The following TAS2R1 variants were observed in gnomAD, a reference collection of about 807,000 sequenced individuals.
The protein encoded by TAS2R1 is taste receptor type 2 member 1.
For missense variants in TAS2R1, 370 were observed against 353.4 expected (o/e 1.05, Z -0.38); for synonymous variants, 141 against 134.2 (o/e 1.05, Z -0.35).
chr5:9,855,734 C>T, the TAS2R1 span, among the ~76,000 whole-genome samples: 9 of 152,312 alleles, frequency 5.9e-5, no homozygotes, highest in African/African-American at 2.2e-4. Flanking sequence ...CTGAGCCCTG[C>T]TTCTGATATG....
the TAS2R1 span, among the ~76,000 whole-genome samples, chr5:9,757,845 T>A: frequency 1.3e-5 from 2 of 152,156 alleles, no homozygotes; most frequent in Non-Finnish European, 2.9e-5. Flanking sequence ...TCTTTAAAAC[T>A]CTGTAGGAGT....
chr5:9,673,274 C>T (rs1194756112), intron 1 of TAS2R1, among the ~76,000 whole-genome samples: 2 of 152,116 alleles, frequency 1.3e-5, no homozygotes, highest in Non-Finnish European at 2.9e-5. Flanking sequence ...ACAAACTGCA[C>T]ATTTACCCCT....
chr5:9,674,867 A>G (rs191051332), intron 1 of TAS2R1, among the ~76,000 whole-genome samples: 1 of 152,150 alleles, frequency 6.6e-6, no homozygotes, highest in Non-Finnish European at 1.5e-5. Flanking sequence ...GTGCAATAAT[A>G]CAAGAAAAGA....
intron 1 of TAS2R1, among the ~76,000 whole-genome samples, chr5:9,701,883 T>C: frequency 6.6e-6 from 1 of 152,222 alleles, no homozygotes; most frequent in East Asian, 1.9e-4. Flanking sequence ...ATCCTTTTTT[T>C]TAGAATGAAC....
At chr5:9,675,314 A>T (rs1740851343) in intron 1 of TAS2R1, among the ~76,000 whole-genome samples, 1 of 151,546 alleles carries the variant, frequency 6.6e-6, no homozygotes, top group Admixed American at 6.6e-5. Flanking sequence ...TGTAGATATC[A>T]ACAAACTTAT....
the TAS2R1 span, among the ~76,000 whole-genome samples, chr5:9,771,149 T>G: frequency 4.4e-3 from 663 of 152,340 alleles, 3 homozygotes; most frequent in Middle Eastern, 0.017. Flanking sequence ...TCAGTTGAAA[T>G]GATCACATGG....
chr5:9,781,056 A>C, the TAS2R1 span, among the ~76,000 whole-genome samples: 1 of 152,178 alleles, frequency 6.6e-6, no homozygotes, highest in East Asian at 1.9e-4. Flanking sequence ...TTTATGTAGG[A>C]TATATATCCT....
chr5:9,636,212 G>A (rs1739960742), intron 2 of TAS2R1, among the ~76,000 whole-genome samples: 1 of 151,930 alleles, frequency 6.6e-6, no homozygotes, highest in Non-Finnish European at 1.5e-5. Context: ...TTATTCAAGA[G>A]CAGATTATTT....
the TAS2R1 span, among the ~76,000 whole-genome samples, chr5:9,797,718 C>G: frequency 2.0e-5 from 3 of 152,124 alleles, no homozygotes; most frequent in Admixed American, 2.0e-4. Flanking sequence ...TTCTGCAACT[C>G]ATCCTTCTGT....
the TAS2R1 span, among the ~76,000 whole-genome samples, chr5:9,745,396 T>C: frequency 6.6e-6 from 1 of 152,072 alleles, no homozygotes; most frequent in African/African-American, 2.4e-5. Flanking sequence ...TATTTGGAAG[T>C]CATTAATATA....
At chr5:9,775,279 G>T in the TAS2R1 span, among the ~76,000 whole-genome samples, 1 of 152,220 alleles carries the variant, frequency 6.6e-6, no homozygotes, top group African/African-American at 2.4e-5. Context: ...GGGCTCTTTA[G>T]TCAGCTTGTG....
the TAS2R1 span, among the ~76,000 whole-genome samples, chr5:9,869,349 G>A: frequency 1.1e-4 from 16 of 152,182 alleles, no homozygotes; most frequent in African/African-American, 3.9e-4. Context: ...CGAAGGAAGA[G>A]CAAAGGCATG....
chr5:9,629,057 G>C lies in TAS2R1; in HGVS notation c.*76C>G. 7.0e-7 allele frequency: 1 copy of C among 1,438,152 alleles called. No individual in the cohort carries two copies. Among genetic ancestry groups the C allele is most frequent in the Non-Finnish European group, 9.3e-7 (1 of 1,078,076 alleles). 89.1% of individuals were successfully genotyped at this position (1,438,152 alleles called of 1,614,324 possible). ...TGTATATTTATGAACAGGCTGCTTTGTCTGGCTGAGGGAAGTGTGGCAGGC... is the reference window on the plus strand; with the variant it reads ...TGTATATTTATGAACAGGCTGCTTTCTCTGGCTGAGGGAAGTGTGGCAGGC... On this transcript the variant is annotated 3_prime_UTR_variant, in exon 1 of 1. Coordinates refer to ENST00000382492, the MANE Select transcript of TAS2R1 (RefSeq NM_019599.3).
At chr5:9,740,333 G>C in the TAS2R1 span, among the ~76,000 whole-genome samples, 1 of 152,132 alleles carries the variant, frequency 6.6e-6, no homozygotes, top group African/African-American at 2.4e-5. Context: ...TGCCCCCAAA[G>C]ACCCAGTTAA....
the TAS2R1 span, among the ~76,000 whole-genome samples, chr5:9,731,571 C>A: frequency 6.6e-6 from 1 of 152,220 alleles, no homozygotes; most frequent in African/African-American, 2.4e-5. Flanking sequence ...CAGGCATTTG[C>A]ACACCTGCAG....
chr5:9,823,229 G>T, the TAS2R1 span, among the ~76,000 whole-genome samples: 1 of 152,218 alleles, frequency 6.6e-6, no homozygotes, highest in South Asian at 2.1e-4. Flanking sequence ...TTTTGGGAGA[G>T]GAGGCAATTT....
chr5:9,817,342 T>C, the TAS2R1 span, among the ~76,000 whole-genome samples: 1 of 152,230 alleles, frequency 6.6e-6, no homozygotes, highest in Non-Finnish European at 1.5e-5. Context: ...TGGAAAAAAA[T>C]ATTTTCTGTT....
At chr5:9,650,676 C>T (rs556826365) in intron 2 of TAS2R1, among the ~76,000 whole-genome samples, 1 of 152,230 alleles carries the variant, frequency 6.6e-6, no homozygotes, top group East Asian at 1.9e-4. Flanking sequence ...TTAAATTTCA[C>T]TTCATCACAA....
At chr5:9,655,775 A>G (rs921519550) in intron 2 of TAS2R1, among the ~76,000 whole-genome samples, 6 of 152,144 alleles carry the variant, frequency 3.9e-5, no homozygotes, top group South Asian at 2.1e-4. Flanking sequence ...TAGACTCTCT[A>G]GAAATCAAGG....
Sources: allele counts gnomAD v4.1 joint callset (sites outside exome capture counted in the v4.1 genomes callset), GRCh38; gene constraint gnomAD v4.1.1; transcripts MANE v1.5; gene names NCBI Gene and HGNC (gene_info 2026-07-23, HGNC 2026-07-21).